Variants in ATP8A2 observed in about 807,000 individuals in gnomAD.
The protein encoded by ATP8A2 is phospholipid-transporting ATPase IB.
ATP8A2 carries 100 observed loss-of-function variants against 165.6 expected under a neutral mutation model. The observed-to-expected ratio is 0.60, with a 90% CI of 0.51 to 0.71. The LOEUF is 0.71. ATP8A2 is among the 30% of genes least tolerant of loss of function. The pLI is 0.00. For missense variants in ATP8A2, 1,227 were observed against 1,479.5 expected, an observed-to-expected ratio of 0.83 and a Z score of 2.80; for synonymous variants, 543 against 548.8, an observed-to-expected ratio of 0.99 and a Z score of 0.15.
intron 27 of ATP8A2, among the ~76,000 whole-genome samples, chr13:25,814,109 A>ACACACACC (rs1950949048): frequency 6.6e-6 from 1 of 151,666 alleles, no homozygotes; most frequent in Non-Finnish European, 1.5e-5. Flanking sequence ...ACACACACAC[A>ACACACACC]CACACACACA....
intron 16 of ATP8A2, among the ~76,000 whole-genome samples, chr13:25,570,375 G>T (rs1156683407): frequency 6.6e-6 from 1 of 152,136 alleles, no homozygotes; most frequent in Non-Finnish European, 1.5e-5. Flanking sequence ...AAGCAGAGGG[G>T]CAAGTGGAAG....
At chr13:25,481,719 G>C (rs1038762903) in intron 2 of ATP8A2, among the ~76,000 whole-genome samples, 3 of 152,202 alleles carry the variant, frequency 2.0e-5, no homozygotes, top group African/African-American at 7.2e-5. Context: ...GTGCCAGCAT[G>C]ATCTGGTTCT....
At chr13:25,399,603 C>A (rs1214523501) in intron 1 of ATP8A2, among the ~76,000 whole-genome samples, 20 of 129,222 alleles carry the variant, frequency 1.5e-4, no homozygotes, top group South Asian at 1.2e-3. Flanking sequence ...GGGGTTTCAC[C>A]GTTTTAGCCG....
intron 1 of ATP8A2, among the ~76,000 whole-genome samples, chr13:25,468,618 G>A (rs961748583): frequency 3.9e-5 from 6 of 152,128 alleles, no homozygotes; most frequent in Non-Finnish European, 7.4e-5. Context: ...CGCCCCCGCC[G>A]TCCCCGCGCG....
intron 6 of ATP8A2, among the ~76,000 whole-genome samples, chr13:25,536,515 C>T (rs2038290587): frequency 6.6e-6 from 1 of 152,158 alleles, no homozygotes; most frequent in Admixed American, 6.5e-5. Flanking sequence ...TTTCCCCAGA[C>T]ACTTTAATAA....
intron 29 of ATP8A2, among the ~76,000 whole-genome samples, chr13:25,839,167 C>A (rs1349311536): frequency 6.6e-6 from 1 of 152,066 alleles, no homozygotes; most frequent in Non-Finnish European, 1.5e-5. Flanking sequence ...GTTTTAGTCT[C>A]TTCTTAACAA....
chr13:25,737,317 C>T (rs1350593203), intron 25 of ATP8A2, among the ~76,000 whole-genome samples: 3 of 152,134 alleles, frequency 2.0e-5, no homozygotes, highest in Non-Finnish European at 2.9e-5. Flanking sequence ...TTATTTTTTA[C>T]TTTAGCCACC....
At chr13:25,850,692 A>G (rs9511941) in intron 30 of ATP8A2, among the ~76,000 whole-genome samples, 20,195 of 152,130 alleles carry the variant, frequency 0.13, 1,571 homozygotes, top group Non-Finnish European at 0.18. Context: ...AGAGTGGTAG[A>G]ATTGTAACAG....
Position 25,558,213 on chromosome 13 carries a change from T to A in ATP8A2, c.1264-760T>A, listed in dbSNP as rs891956509. On this transcript the variant is annotated intron_variant, in intron 13 of 36. Transcript: ENST00000381655. The stretch of plus-strand genomic sequence containing the variant: ...CTCTGCACCTGGCCTTTAGTTTTTT[T>A]ATATGATATTTTAATTTTCTTAAAA... 1.4e-4 allele frequency among the ~76,000 whole-genome samples: 21 copies of A among 152,290 alleles called. No homozygotes were observed. In the South Asian group the frequency reaches 2.1e-3, roughly 15 times the overall value.
chr13:25,892,478 G>GTCTCTCTGTC (rs1555286135), intron 33 of ATP8A2, among the ~76,000 whole-genome samples: 2 of 136,248 alleles, frequency 1.5e-5, no homozygotes, highest in Admixed American at 7.4e-5. Context: ...CTGTCTCTCT[G>GTCTCTCTGTC]TCTCTCTCTC....
At chr13:25,975,582 G>A (rs1209719031) in intron 35 of ATP8A2, among the ~76,000 whole-genome samples, 9 of 144,702 alleles carry the variant, frequency 6.2e-5, no homozygotes, top group Non-Finnish European at 9.1e-5. Flanking sequence ...ACTCCATCTC[G>A]AAAAAAAAAA....
chr13:25,550,708 G>T (rs1244847616), intron 10 of ATP8A2, among the ~76,000 whole-genome samples: 1 of 152,136 alleles, frequency 6.6e-6, no homozygotes, highest in East Asian at 1.9e-4. Flanking sequence ...GCTTTCTCCT[G>T]TCCAGGCCCT....
At chr13:25,693,082 C>T (rs1176578616) in intron 24 of ATP8A2, among the ~76,000 whole-genome samples, 1 of 152,118 alleles carries the variant, frequency 6.6e-6, no homozygotes, top group Non-Finnish European at 1.5e-5. Context: ...CAGTAATTGG[C>T]TTTTTATTAA....
rs866611107 is a variant in ATP8A2, at chr13:26,020,217, T to G, written c.*232T>G. On this transcript the variant is annotated 3_prime_UTR_variant, in exon 37 of 37. Coordinates refer to ENST00000381655, the MANE Select transcript of ATP8A2 (RefSeq NM_016529.6). ...CTCGTCTGCAGTGCTTAGCCTAACT[T>G]TTGTTTATGTCGTTATGAAGCATTC... 1.8e-6 allele frequency: 1 copy of G among 558,262 alleles called. No homozygotes were observed. Among genetic ancestry groups the G allele is most frequent in the African/African-American group, 1.9e-5 (1 of 53,182 alleles). The allele number at this position is 558,262 out of a possible 1,614,324, so 34.6% of individuals were successfully genotyped here.
intron 35 of ATP8A2, among the ~76,000 whole-genome samples, chr13:25,972,998 G>A (rs982666480): frequency 6.6e-6 from 1 of 152,150 alleles, no homozygotes; most frequent in Non-Finnish European, 1.5e-5. Flanking sequence ...GAATAAACAA[G>A]GAGAGCTTGT....
At chr13:25,573,705 G>T (rs1208158005) in intron 18 of ATP8A2, among the ~76,000 whole-genome samples, 1 of 152,174 alleles carries the variant, frequency 6.6e-6, no homozygotes, top group Non-Finnish European at 1.5e-5. Context: ...CAGCCCTGGT[G>T]CTGGGTGGTG....
chr13:26,009,792 A>T (rs1333215479), intron 35 of ATP8A2, among the ~76,000 whole-genome samples: 1 of 152,206 alleles, frequency 6.6e-6, no homozygotes. Flanking sequence ...TAGGCTGAGC[A>T]CAGTGGCTCA....
At chr13:25,674,501 C>G (rs1479564098) in intron 24 of ATP8A2, among the ~76,000 whole-genome samples, 1 of 152,164 alleles carries the variant, frequency 6.6e-6, no homozygotes, top group Non-Finnish European at 1.5e-5. Flanking sequence ...TTGGCCCATC[C>G]TTTTCACCAA....
At chr13:25,500,905 G>A (rs1265853425) in intron 2 of ATP8A2, among the ~76,000 whole-genome samples, 2 of 152,094 alleles carry the variant, frequency 1.3e-5, no homozygotes, top group Non-Finnish European at 2.9e-5. Context: ...AAACTTTTTT[G>A]TGTATTTTTA....
Sources: allele counts gnomAD v4.1 joint callset (sites outside exome capture counted in the v4.1 genomes callset), GRCh38; gene constraint gnomAD v4.1.1; transcripts MANE v1.5; gene names NCBI Gene and HGNC (gene_info 2026-07-23, HGNC 2026-07-21).